The following INSC variants were observed in gnomAD, a reference collection of about 807,000 sequenced individuals.
INSC encodes the protein INSC spindle orientation adaptor protein.
A neutral mutation model predicts 58.6 loss-of-function variants in INSC; 67 were observed. The ratio of observed to expected loss-of-function variants is 1.14; its 90% CI spans 0.94 to 1.40. The LOEUF (loss-of-function observed/expected upper bound fraction) is 1.40. Ranked by LOEUF, INSC falls within the 40% of genes most tolerant of loss-of-function variation. The probability of loss-of-function intolerance (pLI) is 0.00; values close to 1 mark genes in which losing one functional copy is unlikely to be tolerated. For synonymous variants in INSC, 262 were observed against 276.1 expected, an observed-to-expected ratio of 0.95 and a Z score of 0.51; for missense variants, 714 against 692.0, an observed-to-expected ratio of 1.03 and a Z score of -0.36.
intron 10 of INSC, among the ~76,000 whole-genome samples, chr11:15,237,540 A>G (rs1453444285): frequency 6.6e-6 from 1 of 152,220 alleles, no homozygotes; most frequent in Admixed American, 6.5e-5. Context: ...AGAGAGTTTA[A>G]TGAAGGAGCT....
chr11:15,194,690 T>C (rs1172909465), intron 6 of INSC, among the ~76,000 whole-genome samples: 1 of 152,244 alleles, frequency 6.6e-6, no homozygotes, highest in Non-Finnish European at 1.5e-5. Flanking sequence ...AAGTACCATG[T>C]TGTTACCATC....
chr11:15,154,867 TA>T (rs896500568), intron 2 of INSC, among the ~76,000 whole-genome samples: 2 of 152,204 alleles, frequency 1.3e-5, no homozygotes, highest in South Asian at 4.1e-4. Flanking sequence ...ACCCATTGAC[TA>T]AAACAAGTTC....
chr11:15,196,944 G>T (rs60455904), intron 6 of INSC, among the ~76,000 whole-genome samples: 1 of 152,078 alleles, frequency 6.6e-6, no homozygotes, highest in African/African-American at 2.4e-5. Context: ...CTTCTCAGCA[G>T]CCCCTCCTCT....
intron 2 of INSC, among the ~76,000 whole-genome samples, chr11:15,157,891 C>T (rs1478674035): frequency 6.6e-6 from 1 of 152,178 alleles, no homozygotes; most frequent in African/African-American, 2.4e-5. Context: ...TGCTGTGGCC[C>T]TGTGCTCTCC....
chr11:15,160,976 G>A (rs1013429810), intron 2 of INSC, among the ~76,000 whole-genome samples: 5 of 152,258 alleles, frequency 3.3e-5, no homozygotes, highest in Non-Finnish European at 7.3e-5. Context: ...ATACTAGTTA[G>A]ATATTGTATG....
intron 2 of INSC, among the ~76,000 whole-genome samples, chr11:15,173,613 T>C (rs150986609): frequency 2.0e-5 from 3 of 152,164 alleles, no homozygotes; most frequent in African/African-American, 7.2e-5. Context: ...TGTATACATA[T>C]ACATATATGT....
intron 9 of INSC, among the ~76,000 whole-genome samples, chr11:15,228,876 A>T (rs760777528): frequency 6.6e-6 from 1 of 152,120 alleles, no homozygotes; most frequent in Non-Finnish European, 1.5e-5. Flanking sequence ...GCAGCCTTGG[A>T]CCTAGGCTCT....
chr11:15,171,034 C>A (rs1021942422), intron 2 of INSC, among the ~76,000 whole-genome samples: 7 of 152,194 alleles, frequency 4.6e-5, no homozygotes, highest in Admixed American at 3.9e-4. Flanking sequence ...AAAACAATAA[C>A]TAAGTATATA....
At chr11:15,112,207 G>A (rs1252122458), upstream of INSC, among the ~76,000 whole-genome samples, 2 of 152,200 alleles carry the variant, frequency 1.3e-5, no homozygotes, top group African/African-American at 4.8e-5. Context: ...GGCCGGCGCC[G>A]GGGATGGAAT....
Position 15,178,333 on chromosome 11 carries a change from G to C in INSC, c.465G>C (p.Gln155His). ...GGTTTCTTCTCTTCAGGTGCCTTCA[G>C]GTTGAGAATGAGCATGTCCTGAAGT... is the stretch of plus-strand genomic sequence containing the variant. The part of the protein sequence containing the change: ...ELSAVTERCL[Q>H]VENEHVLKSM... Residue 155 changes from glutamine (Q) to histidine (H), a missense_variant, in exon 5 of 13, where the codon CAG (glutamine) becomes CAC (histidine). Transcript: ENST00000379556. 6.2e-7 allele frequency: 1 copy of C among 1,613,960 alleles called. No individual in the cohort carries two copies. The highest frequency in any genetic ancestry group is 8.5e-7 in the Non-Finnish European group (1 of 1,180,042).
intron 5 of INSC, among the ~76,000 whole-genome samples, chr11:15,183,668 C>T (rs1849863073): frequency 6.6e-6 from 1 of 152,158 alleles, no homozygotes; most frequent in Non-Finnish European, 1.5e-5. Flanking sequence ...TTTTCACACT[C>T]ATCCCTAGGA....
chr11:15,179,112 A>G (rs1406830052), intron 5 of INSC, among the ~76,000 whole-genome samples: 3 of 152,126 alleles, frequency 2.0e-5, no homozygotes, highest in Admixed American at 6.5e-5. Flanking sequence ...TTCACCATGG[A>G]GCCTCAGTTA....
chr11:15,183,001 C>T (rs1308965243), intron 5 of INSC, among the ~76,000 whole-genome samples: 3 of 152,102 alleles, frequency 2.0e-5, no homozygotes, highest in African/African-American at 4.8e-5. Flanking sequence ...CCTTAAGCTT[C>T]CATGAATTAT....
At chr11:15,134,970 A>T (rs1376358451) in intron 1 of INSC, among the ~76,000 whole-genome samples, 1 of 152,174 alleles carries the variant, frequency 6.6e-6, no homozygotes, top group African/African-American at 2.4e-5. Flanking sequence ...ATAATTTAAA[A>T]TTCTTTTTTA....
At chr11:15,228,636 T>C (rs1851732263) in intron 9 of INSC, among the ~76,000 whole-genome samples, 1 of 152,206 alleles carries the variant, frequency 6.6e-6, no homozygotes. Context: ...CACTGCCCCC[T>C]AAAATACTTA....
intron 6 of INSC, 58 bp downstream of exon 6, chr11:15,190,872 C>G: frequency 1.7e-6 from 2 of 1,165,142 alleles, no homozygotes; most frequent in South Asian, 2.4e-5. Flanking sequence ...AGGAAGCTCA[C>G]TTGTTCAATG....
chr11:15,253,987 C>T, the INSC span, among the ~76,000 whole-genome samples: 7 of 152,206 alleles, frequency 4.6e-5, no homozygotes, highest in East Asian at 1.3e-3. Flanking sequence ...AGCCTTTCCT[C>T]AGCTCAGTGG....
chr11:15,172,908 G>A (rs1385904220), intron 2 of INSC, among the ~76,000 whole-genome samples: 1 of 152,066 alleles, frequency 6.6e-6, no homozygotes, highest in African/African-American at 2.4e-5. Flanking sequence ...ACGGTGGTAT[G>A]GGGGGCGCAA....
intron 8 of INSC, among the ~76,000 whole-genome samples, chr11:15,223,587 T>C (rs1034889186): frequency 6.6e-6 from 1 of 152,194 alleles, no homozygotes; most frequent in Non-Finnish European, 1.5e-5. Flanking sequence ...GTGGTTGTGT[T>C]AATAATTGCT....
Sources: gnomAD v4.1 joint callset for allele counts (sites outside exome capture counted in the v4.1 genomes callset) on GRCh38, gnomAD v4.1.1 for gene constraint, MANE v1.5 for transcripts, NCBI Gene and HGNC (gene_info 2026-07-23, HGNC 2026-07-21) for gene names.